Variants in TMIE observed in about 807,000 individuals in gnomAD.
The protein encoded by TMIE is transmembrane inner ear expressed protein.
In TMIE, 14 loss-of-function variants were observed where a neutral mutation model predicts 16.8. That is an observed-to-expected ratio of 0.83 (90% CI 0.55 to 1.30). The LOEUF (loss-of-function observed/expected upper bound fraction) is 1.30. TMIE is among the 50% of genes most tolerant of loss of function. The pLI is 0.00. For synonymous variants in TMIE, 75 were observed against 87.2 expected (o/e 0.86, Z 0.78); for missense variants, 204 against 205.9 (o/e 0.99, Z 0.06).
Position 46,705,910 on chromosome 3 carries a change from G to T in TMIE, c.211+3G>T. On this transcript the variant is annotated splice_donor_region_variant and intron_variant, in intron 2 of 3. Coordinates refer to ENST00000643606, the MANE Select transcript of TMIE (RefSeq NM_147196.3). Reference sequence around the variant, plus strand: ...TTCGCTCTTCGTGTTGTCCATCAGTGAGTAGCTGTTCCCTTCCCTCTCCAC... The same window carrying T: ...TTCGCTCTTCGTGTTGTCCATCAGTTAGTAGCTGTTCCCTTCCCTCTCCAC... 1 of 1,613,678 alleles carries T rather than the reference G, an allele frequency of 6.2e-7. No individual in the cohort carries two copies. Among genetic ancestry groups the T allele is most frequent in the South Asian group, 1.1e-5 (1 of 91,062 alleles).
intron 3 of TMIE, 42 bp from the exon 4 acceptor site, chr3:46,709,537 T>C: frequency 1.9e-6 from 3 of 1,613,902 alleles, no homozygotes. Flanking sequence ...CCCAGGACCT[T>C]GTCTCACCAC....
Position 46,709,739 on chromosome 3 carries a change from C to T in TMIE, c.*51C>T, listed in dbSNP as rs56002857. On this transcript the variant is annotated 3_prime_UTR_variant, in exon 4 of 4. Transcript: ENST00000643606. ...CGGGCCCTGGAGCTCAAGCCGTGGC[C>T]GGGGTCCAGGCATGTTGGACTCTGA... The T allele has an allele frequency of 0.059, 95,664 of 1,610,498 alleles. 3,657 individuals carry two copies. The highest frequency in any genetic ancestry group is 0.13 in the South Asian group (11,976 of 90,446).
chr3:46,694,906 C>A (rs1417721277), intron 1 of TMIE, among the ~76,000 whole-genome samples: 1 of 152,154 alleles, frequency 6.6e-6, no homozygotes, highest in African/African-American at 2.4e-5. Flanking sequence ...TGTTTTCTTG[C>A]CCCCTTCTGC....
intron 2 of TMIE, among the ~76,000 whole-genome samples, chr3:46,706,698 C>T (rs563987952): frequency 2.6e-5 from 4 of 152,182 alleles, no homozygotes; most frequent in Non-Finnish European, 5.9e-5. Flanking sequence ...CTCTGAGCTG[C>T]AGACCGGTGG....
chr3:46,699,369 C>G (rs1372282366), upstream of TMIE, among the ~76,000 whole-genome samples: 1 of 152,148 alleles, frequency 6.6e-6, no homozygotes, highest in Non-Finnish European at 1.5e-5. Flanking sequence ...CCATGCCTGG[C>G]TAAATGGTGT....
intron 2 of TMIE, 124 bp from the exon 3 acceptor site, chr3:46,709,001 TC>T: frequency 1.5e-6 from 2 of 1,295,820 alleles, no homozygotes; most frequent in Non-Finnish European, 2.2e-6. Flanking sequence ...ATGCTGAGCC[TC>T]CTGCCAGGGT....
intron 1 of TMIE, among the ~76,000 whole-genome samples, chr3:46,702,764 T>C (rs1700492640): frequency 6.6e-6 from 1 of 152,096 alleles, no homozygotes; most frequent in Non-Finnish European, 1.5e-5. Context: ...TGGACCCAGA[T>C]GTAGCCTGTC....
intron 1 of TMIE, among the ~76,000 whole-genome samples, chr3:46,705,549 G>T (rs898547658): frequency 1.3e-5 from 2 of 152,200 alleles, no homozygotes; most frequent in African/African-American, 4.8e-5. Flanking sequence ...GCTCCTCCAG[G>T]CCTTGGTTTC....
At position 46,709,958 on chromosome 3, in the gene TMIE, C is replaced by A; in HGVS notation, c.*270C>A. On this transcript the variant is annotated 3_prime_UTR_variant, in exon 4 of 4. Transcript: ENST00000643606. ...GTGGTCTGGTGCCACCGTCCCTCTG[C>A]AGATACACTGCTCTCCCCACCCAGA... 1 of 522,886 alleles carries A rather than the reference C, an allele frequency of 1.9e-6. No individual in the cohort carries two copies. 32.4% of individuals were successfully genotyped at this position (522,886 alleles called of 1,614,324 possible). A position where few individuals can be genotyped will look rare whatever the true frequency, so the allele number is the denominator to read the frequency against.
intron 2 of TMIE, among the ~76,000 whole-genome samples, chr3:46,707,257 G>A (rs1272785428): frequency 6.6e-6 from 1 of 152,260 alleles, no homozygotes; most frequent in Non-Finnish European, 1.5e-5. Context: ...GCAGCAGGGA[G>A]AGCACTGTGG....
chr3:46,703,824 T>C (rs1382781926), intron 1 of TMIE, among the ~76,000 whole-genome samples: 1 of 152,128 alleles, frequency 6.6e-6, no homozygotes, highest in Non-Finnish European at 1.5e-5. Flanking sequence ...TTTACGGACC[T>C]GGGGGAAGAA....
At chr3:46,704,446 AC>A (rs1457976866) in intron 1 of TMIE, among the ~76,000 whole-genome samples, 3 of 131,380 alleles carry the variant, frequency 2.3e-5, no homozygotes, top group African/African-American at 8.8e-5. Flanking sequence ...CCAGGGCAGG[AC>A]CATGTCCCCT....
upstream of TMIE, among the ~76,000 whole-genome samples, chr3:46,701,034 C>T (rs1300787256): frequency 1.3e-5 from 2 of 151,770 alleles, no homozygotes; most frequent in East Asian, 1.9e-4. This position sits in a 1 kb window ranked among gnomAD's most constrained non-coding sequence, Gnocchi z 4.3. Flanking sequence ...CCGCTCTGCC[C>T]CCCCCCCAAA....
In TMIE at chr3:46,709,849, AC is replaced by A. The variant is rs1700599196; in HGVS notation, c.*163del. 1.4e-6 allele frequency: 2 copies of A among 1,447,224 alleles called. No individual in the cohort carries two copies. The highest frequency in any genetic ancestry group is 1.4e-5 in the African/African-American group (1 of 70,526). 89.6% of individuals were successfully genotyped at this position (1,447,224 alleles called of 1,614,324 possible). ...TCCTCATGGCCCATCAGGGGCAGGA[AC>A]CAGACAATCTCGTAGGTGTCCTGCC... On this transcript the variant is annotated 3_prime_UTR_variant, in exon 4 of 4. Coordinates refer to ENST00000643606, the MANE Select transcript of TMIE (RefSeq NM_147196.3).
At chr3:46,702,231 G>A (rs1361052049) in intron 1 of TMIE, among the ~76,000 whole-genome samples, 4 of 152,104 alleles carry the variant, frequency 2.6e-5, no homozygotes, top group Non-Finnish European at 5.9e-5. Flanking sequence ...GGTGATAACC[G>A]GGAGCTTTAG....
At chr3:46,704,979 C>G (rs1344387489) in intron 1 of TMIE, among the ~76,000 whole-genome samples, 2 of 152,170 alleles carry the variant, frequency 1.3e-5, no homozygotes, top group Non-Finnish European at 1.5e-5. Context: ...GCTGTGTCCT[C>G]TCAGACCTGG....
At position 46,705,778 on chromosome 3, in the gene TMIE, C is replaced by T. The variant is rs772490136; in HGVS notation, c.94-12C>T. ...CTCTGCCTAACTCACTCCCCTCTCT[C>T]CTGACCCACAGCCCAGCACGGCCCC... On this transcript the variant is annotated splice_polypyrimidine_tract_variant and intron_variant, in intron 1 of 3. Coordinates refer to ENST00000643606, the MANE Select transcript of TMIE (RefSeq NM_147196.3). 2.5e-6 allele frequency: 4 copies of T among 1,613,238 alleles called. No individual in the cohort carries two copies. The Admixed American group carries it at 5.0e-5, about 20-fold the overall frequency.
upstream of TMIE, among the ~76,000 whole-genome samples, chr3:46,700,908 A>G (rs114264781): frequency 0.035 from 5,325 of 151,948 alleles, 116 homozygotes; most frequent in African/African-American, 0.059. Context: ...AGCTCTGACC[A>G]TACCATCCCC....
upstream of TMIE, among the ~76,000 whole-genome samples, chr3:46,697,908 T>C (rs77427062): frequency 1.4e-4 from 22 of 152,278 alleles, no homozygotes; most frequent in African/African-American, 4.8e-4. Flanking sequence ...GAGGAAAAGA[T>C]ATAGTTTGAG....
Sources: allele counts gnomAD v4.1 joint callset (sites outside exome capture counted in the v4.1 genomes callset), GRCh38; gene constraint gnomAD v4.1.1; non-coding constraint Gnocchi (gnomAD v3.1); transcripts MANE v1.5; gene names NCBI Gene and HGNC (gene_info 2026-07-23, HGNC 2026-07-21).